CHN1: variants seen among roughly 807,000 people sequenced by gnomAD.
The protein encoded by CHN1 is N-chimaerin.
CHN1 carries 37 observed loss-of-function variants against 59.5 expected under a neutral mutation model. That is an observed-to-expected ratio of 0.62 (90% CI 0.48 to 0.82). The LOEUF (loss-of-function observed/expected upper bound fraction) is 0.82. Among genes scored for constraint, CHN1 ranks in the 40% least tolerant of loss-of-function variants. CHN1 has a pLI of 0.00. For missense variants in CHN1, 469 were observed against 571.0 expected (o/e 0.82, Z 1.82); for synonymous variants, 206 against 200.4 (o/e 1.03, Z -0.24).
At chr2:174,996,128 A>G (rs1396551813) in intron 1 of CHN1, among the ~76,000 whole-genome samples, 1 of 152,190 alleles carries the variant, frequency 6.6e-6, no homozygotes, top group Non-Finnish European at 1.5e-5. Flanking sequence ...AGGGGAGACT[A>G]CTGTATAGTC....
At chr2:174,940,851 C>T (rs1270013293) in intron 3 of CHN1, among the ~76,000 whole-genome samples, 1 of 152,172 alleles carries the variant, frequency 6.6e-6, no homozygotes, top group Non-Finnish European at 1.5e-5. Context: ...CACCTACAGC[C>T]TTTCTTCCAA....
chr2:174,950,937 G>A lies in CHN1; in HGVS notation c.58+1227C>T, dbSNP rs887844713. Among the ~76,000 whole-genome samples the A allele has an allele frequency of 2.6e-4, 40 of 152,082 alleles. 1 individual carries two copies. Among genetic ancestry groups the A allele is most frequent in the Admixed American group, 1.3e-3 (20 of 15,264 alleles). Reference sequence around the variant, plus strand: ...TGGGACTACAGGTGTGTGCCATCACGCCTAGCTAATTTTTGTATTTTCAGT... The same window carrying A: ...TGGGACTACAGGTGTGTGCCATCACACCTAGCTAATTTTTGTATTTTCAGT... On this transcript the variant is annotated intron_variant, in intron 2 of 12. Transcript: ENST00000409900.
At chr2:174,938,729 G>A (rs1237441140) in intron 3 of CHN1, among the ~76,000 whole-genome samples, 1 of 152,048 alleles carries the variant, frequency 6.6e-6, no homozygotes, top group Non-Finnish European at 1.5e-5. Context: ...TATAAGTTGT[G>A]AATAATATGT....
intron 1 of CHN1, among the ~76,000 whole-genome samples, chr2:174,982,507 G>A (rs1313803251): frequency 1.3e-5 from 2 of 152,146 alleles, no homozygotes; most frequent in African/African-American, 4.8e-5. Flanking sequence ...GTGTGAGATG[G>A]TATCTCATAG....
At chr2:174,945,245 G>T in intron 2 of CHN1, 4 of 448,492 alleles carry the variant, frequency 8.9e-6, no homozygotes, top group South Asian at 2.2e-5. Context: ...GTTCTTTGTG[G>T]GGATATTAAA....
intron 7 of CHN1, chr2:174,846,181 C>G: frequency 8.2e-7 from 1 of 1,214,750 alleles, no homozygotes; most frequent in Non-Finnish European, 1.1e-6. Context: ...AAATTCAAGG[C>G]CTTATATCAT....
intron 6 of CHN1, among the ~76,000 whole-genome samples, chr2:174,857,451 T>A (rs1686940558): frequency 6.6e-6 from 1 of 152,144 alleles, no homozygotes; most frequent in African/African-American, 2.4e-5. Flanking sequence ...GGGTGGCAGA[T>A]TGTGGTCCTG....
intron 7 of CHN1, among the ~76,000 whole-genome samples, chr2:174,837,907 G>T (rs1244583984): frequency 6.6e-6 from 1 of 152,068 alleles, no homozygotes; most frequent in African/African-American, 2.4e-5. Context: ...TTTGATGGAG[G>T]CAACAATATT....
chr2:174,914,365 C>T (rs768343336), intron 5 of CHN1, among the ~76,000 whole-genome samples: 8 of 152,146 alleles, frequency 5.3e-5, no homozygotes, highest in African/African-American at 1.2e-4. Flanking sequence ...CAAGAGCTCC[C>T]AAGAAAAACT....
intron 7 of CHN1, among the ~76,000 whole-genome samples, chr2:174,825,300 T>C (rs1685649889): frequency 6.6e-6 from 1 of 152,156 alleles, no homozygotes; most frequent in African/African-American, 2.4e-5. Context: ...ATCAGAATCA[T>C]CAAAAAGGCC....
chr2:174,927,832 T>A (rs1374634457), intron 3 of CHN1, among the ~76,000 whole-genome samples: 1 of 152,232 alleles, frequency 6.6e-6, no homozygotes, highest in African/African-American at 2.4e-5. Context: ...ATTTTAAACC[T>A]AGTCTGGAAG....
intron 6 of CHN1, among the ~76,000 whole-genome samples, chr2:174,859,535 T>C (rs1372045528): frequency 6.6e-6 from 1 of 152,148 alleles, no homozygotes; most frequent in Non-Finnish European, 1.5e-5. Context: ...TAAAAAGAAA[T>C]CCAGGCACAC....
chr2:174,959,415 G>C (rs146970155), intron 1 of CHN1, among the ~76,000 whole-genome samples: 1 of 152,188 alleles, frequency 6.6e-6, no homozygotes, highest in African/African-American at 2.4e-5. Context: ...TTAGGACTCA[G>C]GGGAGGAGGG....
rs1159798755 is a variant in CHN1 at position 174,801,821 on chromosome 2, G to C, written c.1103-9C>G. The C allele has an allele frequency of 2.5e-6, 4 of 1,593,028 alleles. No individual in the cohort carries two copies. The highest frequency in any genetic ancestry group is 3.4e-6 in the Non-Finnish European group (4 of 1,161,310). ...ATCCGGATCCATAATTTCTAAAATA[G>C]CAAGTCGAATACCAAGAAGAAAAGA... On this transcript the variant is annotated splice_polypyrimidine_tract_variant and intron_variant, in intron 11 of 12. Coordinates refer to ENST00000409900, the MANE Select transcript of CHN1 (RefSeq NM_001822.7).
intron 1 of CHN1, among the ~76,000 whole-genome samples, chr2:174,981,446 T>C (rs1450298382): frequency 6.6e-6 from 1 of 152,170 alleles, no homozygotes; most frequent in Non-Finnish European, 1.5e-5. Flanking sequence ...GATGCTAACT[T>C]TTGAGTAAGC....
At chr2:174,976,701 G>T (rs919473190) in intron 1 of CHN1, among the ~76,000 whole-genome samples, 1 of 152,104 alleles carries the variant, frequency 6.6e-6, no homozygotes, top group African/African-American at 2.4e-5. Flanking sequence ...TCATAATTTT[G>T]TTGAAGAAAA....
chr2:174,993,135 T>A (rs1336476926), intron 1 of CHN1, among the ~76,000 whole-genome samples: 1 of 150,798 alleles, frequency 6.6e-6, no homozygotes, highest in African/African-American at 2.4e-5. Flanking sequence ...CCTACCCTTG[T>A]TATATGATCA....
In CHN1 at chr2:174,800,029, G is replaced by C. The variant is rs1178526898; in HGVS notation, c.*87C>G. On this transcript the variant is annotated 3_prime_UTR_variant, in exon 13 of 13. Transcript: ENST00000409900. ...GTTATATGCCCAAACCTCTAATCAA[G>C]AAATAATGCAGCTACAGGAGCAAAT... 3.1e-6 allele frequency: 4 copies of C among 1,278,348 alleles called. No individual in the cohort carries two copies. Among genetic ancestry groups the C allele is most frequent in the Non-Finnish European group, 4.4e-6 (4 of 907,768 alleles). The allele number at this position is 1,278,348 out of a possible 1,614,324, so 79.2% of individuals were successfully genotyped here.
At chr2:174,856,544 C>T (rs942745276) in intron 6 of CHN1, among the ~76,000 whole-genome samples, 4 of 152,188 alleles carry the variant, frequency 2.6e-5, no homozygotes, top group Admixed American at 1.3e-4. Flanking sequence ...TTGCATTCCT[C>T]TTTCAAGAAA....
Sources: gnomAD v4.1 joint callset for allele counts (sites outside exome capture counted in the v4.1 genomes callset) on GRCh38, gnomAD v4.1.1 for gene constraint, MANE v1.5 for transcripts, NCBI Gene and HGNC (gene_info 2026-07-23, HGNC 2026-07-21) for gene names.